The following RIMS1 variants were observed in gnomAD, a reference collection of about 807,000 sequenced individuals.
The protein encoded by RIMS1 is regulating synaptic membrane exocytosis 1.
Under a neutral mutation model 214.1 loss-of-function variants are expected in RIMS1, and 83 were observed. That is an observed-to-expected ratio of 0.39 (90% confidence interval 0.32 to 0.47). RIMS1 has a LOEUF of 0.47. RIMS1 is among the 20% of genes least tolerant of loss of function. The probability of loss-of-function intolerance (pLI) is 0.99; values close to 1 mark genes in which losing one functional copy is unlikely to be tolerated. For missense variants in RIMS1, 2,050 were observed against 2,161.8 expected (o/e 0.95, Z 1.03); for synonymous variants, 793 against 786.8 (o/e 1.01, Z -0.13).
At chr6:72,321,969 C>T (rs1031212470) in intron 28 of RIMS1, among the ~76,000 whole-genome samples, 3 of 151,970 alleles carry the variant, frequency 2.0e-5, no homozygotes, top group African/African-American at 7.2e-5. Context: ...TATAAGAAGA[C>T]TAAAAAGACT....
chr6:72,266,129 G>A (rs1223887361), intron 22 of RIMS1, 80 bp downstream of exon 22: 3 of 988,282 alleles, frequency 3.0e-6, no homozygotes, highest in Admixed American at 4.0e-5. Flanking sequence ...TTTCATGACA[G>A]CCTTACAGGT....
At chr6:71,967,395 G>GA (rs58861260) in intron 1 of RIMS1, among the ~76,000 whole-genome samples, 62 of 147,142 alleles carry the variant, frequency 4.2e-4, no homozygotes, top group Middle Eastern at 3.4e-3. Context: ...CTCAAAAAAA[G>GA]AAAAAAAAAA....
intron 4 of RIMS1, among the ~76,000 whole-genome samples, chr6:72,112,366 T>C (rs566372246): frequency 6.6e-6 from 1 of 152,222 alleles, no homozygotes; most frequent in African/African-American, 2.4e-5. Context: ...AATAATTGTT[T>C]GAATGTGTAA....
intron 2 of RIMS1, among the ~76,000 whole-genome samples, chr6:72,052,776 T>C (rs1435183972): frequency 6.6e-6 from 1 of 152,218 alleles, no homozygotes; most frequent in African/African-American, 2.4e-5. Context: ...GTTGATTTAG[T>C]TGTTGCTTGA....
Position 72,264,955 on chromosome 6 carries a change from T to C in RIMS1, c.3117-20T>C. 6.5e-7 allele frequency: 1 copy of C among 1,533,400 alleles called. No homozygotes were observed. Among genetic ancestry groups the C allele is most frequent in the African/African-American group, 1.4e-5 (1 of 73,216 alleles). The allele number at this position is 1,533,400 out of a possible 1,614,324, so 95.0% of individuals were successfully genotyped here. A position where few individuals can be genotyped will look rare whatever the true frequency, so the allele number is the denominator to read the frequency against. On this transcript the variant is annotated intron_variant, in intron 19 of 33. Coordinates refer to ENST00000521978, the MANE Select transcript of RIMS1 (RefSeq NM_014989.7). ...TATATATTTTTCTGTTTCCTGCGTG[T>C]TTGTGTTGCTACGTTCCAGACATCT...
chr6:71,919,509 T>C (rs1779393011), intron 1 of RIMS1, among the ~76,000 whole-genome samples: 1 of 152,206 alleles, frequency 6.6e-6, no homozygotes, highest in Middle Eastern at 3.4e-3. Flanking sequence ...GGTAAAGTTG[T>C]CTAGTAGGCA....
At position 72,207,774 on chromosome 6, in the gene RIMS1, CAAAA is replaced by C. The variant is rs567811518; in HGVS notation, c.1678+24629_1678+24632del. On this transcript the variant is annotated intron_variant, in intron 6 of 33. Transcript: ENST00000521978. Reference sequence around the variant, plus strand: ...TAGGCAAAACAAACAAACAAACAAACAAAAAAATTCTCCCCAAACCCCCCAAATT... The same window carrying C: ...TAGGCAAAACAAACAAACAAACAAACAAATTCTCCCCAAACCCCCCAAATT... 8.0e-3 allele frequency among the ~76,000 whole-genome samples: 1,209 copies of C among 151,966 alleles called. 8 individuals are homozygous for C. The highest frequency in any genetic ancestry group is 0.012 in the Non-Finnish European group (807 of 67,920).
At chr6:71,952,526 T>G (rs1019811639) in intron 1 of RIMS1, among the ~76,000 whole-genome samples, 5 of 152,124 alleles carry the variant, frequency 3.3e-5, no homozygotes, top group African/African-American at 1.2e-4. Flanking sequence ...TTGAATGAGG[T>G]AAGTAGCTGA....
chr6:71,931,247 C>T (rs911364538), intron 1 of RIMS1, among the ~76,000 whole-genome samples: 4 of 151,892 alleles, frequency 2.6e-5, no homozygotes, highest in Non-Finnish European at 5.9e-5. Context: ...GCATTTACAT[C>T]CAAACTCTAA....
chr6:72,109,047 T>C (rs575464355), intron 4 of RIMS1, among the ~76,000 whole-genome samples: 2 of 152,244 alleles, frequency 1.3e-5, no homozygotes, highest in East Asian at 3.9e-4. Flanking sequence ...TTTTTATGGC[T>C]GCATAGTATT....
intron 29 of RIMS1, among the ~76,000 whole-genome samples, chr6:72,353,424 A>C (rs2097530807): frequency 6.6e-6 from 1 of 152,194 alleles, no homozygotes; most frequent in African/African-American, 2.4e-5. Context: ...AACTGACCCC[A>C]CAATTTCTAT....
intron 19 of RIMS1, chr6:72,261,574 G>T (rs898879177): frequency 6.0e-5 from 58 of 959,184 alleles, no homozygotes; most frequent in South Asian, 1.9e-4. Context: ...AGTTAAGGAA[G>T]TAGTAAGTCA....
At chr6:72,139,087 TAA>T (rs1304148550) in intron 4 of RIMS1, among the ~76,000 whole-genome samples, 1 of 152,174 alleles carries the variant, frequency 6.6e-6, no homozygotes, top group South Asian at 2.1e-4. Flanking sequence ...TAGGTATACA[TAA>T]AGATACATGC....
At chr6:72,360,795 G>A (rs9446627) in intron 29 of RIMS1, among the ~76,000 whole-genome samples, 63,882 of 149,570 alleles carry the variant, frequency 0.43, 14,408 homozygotes, top group Non-Finnish European at 0.51. Context: ...TTTTTTGTGC[G>A]TAGTTCTTTA....
intron 27 of RIMS1, among the ~76,000 whole-genome samples, chr6:72,308,207 A>G (rs1046348793): frequency 1.2e-4 from 19 of 152,090 alleles, no homozygotes; most frequent in Non-Finnish European, 2.6e-4. Context: ...TAAGCATTTA[A>G]TTTTTATTTC....
chr6:72,135,295 A>T lies in RIMS1; in HGVS notation c.471+35309A>T, dbSNP rs114844908. 1.6e-3 allele frequency among the ~76,000 whole-genome samples: 247 copies of T among 152,312 alleles called. 2 individuals carry two copies. Among genetic ancestry groups the T allele is most frequent in the African/African-American group, 5.8e-3 (243 of 41,574 alleles). On this transcript the variant is annotated intron_variant, in intron 4 of 33. Coordinates refer to ENST00000521978, the MANE Select transcript of RIMS1 (RefSeq NM_014989.7). ...AAAGCTGGAGAGTTTATTATGTTTA[A>T]TGATACTCAATATAAATATTAAAAG...
At chr6:72,355,225 T>A (rs1320010727) in intron 29 of RIMS1, among the ~76,000 whole-genome samples, 1 of 152,178 alleles carries the variant, frequency 6.6e-6, no homozygotes, top group Non-Finnish European at 1.5e-5. Context: ...GATTTTATAT[T>A]GTCTCTAAAC....
In RIMS1 at chr6:72,248,101, C is replaced by T; in HGVS notation, c.2215C>T (p.Pro739Ser). Residue 739 changes from proline (P) to serine (S), a missense_variant, in exon 12 of 34, where the codon CCA becomes TCA. This residue lies in a region of RIMS1 where 111 missense variants were observed against 166.2 expected (regional missense o/e 0.67). Transcript: ENST00000521978. ...PTSPGALKDA[P>S]QVLPGQLSVK... ...AAGTCCTGGAGCTCTAAAAGATGCCCCACAAGTCTTACCAGGGCAACTTTC... is the reference window on the plus strand; with the variant it reads ...AAGTCCTGGAGCTCTAAAAGATGCCTCACAAGTCTTACCAGGGCAACTTTC... 4.3e-6 allele frequency: 7 copies of T among 1,612,208 alleles called. No homozygotes were observed. Among genetic ancestry groups the T allele is most frequent in the Non-Finnish European group, 5.9e-6 (7 of 1,178,894 alleles).
intron 1 of RIMS1, among the ~76,000 whole-genome samples, chr6:71,941,932 AGACT>A (rs547384235): frequency 4.0e-4 from 61 of 152,330 alleles, no homozygotes; most frequent in African/African-American, 1.5e-3. Flanking sequence ...CAGTTTTACA[AGACT>A]GTCTTTTCTG....
Sources: gnomAD v4.1 joint callset for allele counts (sites outside exome capture counted in the v4.1 genomes callset) on GRCh38, gnomAD v4.1.1 for gene constraint, gnomAD v4.1.1 regional missense constraint, MANE v1.5 for transcripts, NCBI Gene and HGNC (gene_info 2026-07-23, HGNC 2026-07-21) for gene names.